Variants in TCF4 observed in about 807,000 individuals in gnomAD.
TCF4 encodes transcription factor 4, also known as SL3-3 enhancer factor 2.
Under a neutral mutation model 82.1 loss-of-function variants are expected in TCF4, and 3 were observed. That is an observed-to-expected ratio of 0.04 (90% CI 0.02 to 0.09). TCF4 has a LOEUF of 0.09. Ranked by LOEUF, TCF4 falls within the 10% of genes least tolerant of loss-of-function variation. The pLI is 1.00. For missense variants in TCF4, 518 were observed against 852.7 expected (o/e 0.61, Z 4.89); for synonymous variants, 276 against 309.6 (o/e 0.89, Z 1.14).
chr18:55,269,740 G>T (rs2059950679), intron 11 of TCF4, 91 bp downstream of exon 11: 2 of 1,513,570 alleles, frequency 1.3e-6, no homozygotes, highest in Non-Finnish European at 9.1e-7. Context: ...GTGCCTAATT[G>T]CTATTCAGTT....
At chr18:55,258,940 A>G (rs1208738856) in intron 13 of TCF4, among the ~76,000 whole-genome samples, 2 of 152,148 alleles carry the variant, frequency 1.3e-5, no homozygotes, top group Non-Finnish European at 2.9e-5. Flanking sequence ...CTCTGGACAT[A>G]GAGACTTCAG....
At chr18:55,483,828 A>T (rs1292436529) in intron 3 of TCF4, among the ~76,000 whole-genome samples, 3 of 152,190 alleles carry the variant, frequency 2.0e-5, no homozygotes, top group Non-Finnish European at 4.4e-5. Context: ...CCTTTCCCCT[A>T]TAACTTCCCC....
At chr18:55,407,551 T>C (rs1312606828) in intron 5 of TCF4, among the ~76,000 whole-genome samples, 2 of 151,794 alleles carry the variant, frequency 1.3e-5, no homozygotes, top group Non-Finnish European at 1.5e-5. Context: ...TAAATTTGAT[T>C]ATTAAAAATG....
At chr18:55,560,668 G>C (rs1271868758) in intron 3 of TCF4, among the ~76,000 whole-genome samples, 2 of 152,112 alleles carry the variant, frequency 1.3e-5, no homozygotes. Flanking sequence ...ATAAATAACA[G>C]TATGGCACAA....
intron 3 of TCF4, among the ~76,000 whole-genome samples, chr18:55,574,070 C>T (rs563072921): frequency 3.9e-5 from 6 of 152,046 alleles, no homozygotes; most frequent in Non-Finnish European, 7.4e-5. Flanking sequence ...TCAAAAAGGA[C>T]GAATGGAACT....
intron 15 of TCF4, among the ~76,000 whole-genome samples, chr18:55,236,513 T>TATAAGA (rs1273469680): frequency 1.3e-5 from 2 of 152,096 alleles, no homozygotes; most frequent in Non-Finnish European, 2.9e-5. Context: ...CTTTCCTCTG[T>TATAAGA]GACTGAAGTC....
At chr18:55,543,131 A>G (rs2097178673) in intron 3 of TCF4, among the ~76,000 whole-genome samples, 1 of 152,120 alleles carries the variant, frequency 6.6e-6, no homozygotes, top group Admixed American at 6.5e-5. Flanking sequence ...AACAGTGGAG[A>G]CAATTATATT....
At chr18:55,535,840 A>G (rs2097109768) in intron 3 of TCF4, among the ~76,000 whole-genome samples, 1 of 152,246 alleles carries the variant, frequency 6.6e-6, no homozygotes, top group Non-Finnish European at 1.5e-5. Context: ...CTGTAAAACA[A>G]CATGCACCTG....
At chr18:55,444,524 A>T (rs2095493497) in intron 5 of TCF4, among the ~76,000 whole-genome samples, 1 of 152,256 alleles carries the variant, frequency 6.6e-6, no homozygotes, top group Non-Finnish European at 1.5e-5. Flanking sequence ...CCTTCAAAAC[A>T]TGTGGAAAGA....
At chr18:55,568,092 T>C (rs550143248) in intron 3 of TCF4, among the ~76,000 whole-genome samples, 1 of 151,670 alleles carries the variant, frequency 6.6e-6, no homozygotes, top group South Asian at 2.1e-4. Flanking sequence ...CAGAGGGTAT[T>C]ATATTGCCTT....
intron 2 of TCF4, among the ~76,000 whole-genome samples, chr18:55,601,182 A>G (rs1053665201): frequency 3.3e-5 from 5 of 152,274 alleles, no homozygotes; most frequent in African/African-American, 9.6e-5. Context: ...TGTTCAAAGC[A>G]GCTGTGCTCA....
At chr18:55,493,400 C>A (rs2096596084) in intron 3 of TCF4, among the ~76,000 whole-genome samples, 1 of 152,080 alleles carries the variant, frequency 6.6e-6, no homozygotes, top group South Asian at 2.1e-4. Context: ...ATATTTAATG[C>A]AGAATGGACT....
intron 6 of TCF4, among the ~76,000 whole-genome samples, chr18:55,374,786 G>C (rs1384304069): frequency 1.4e-5 from 2 of 146,596 alleles, no homozygotes. Flanking sequence ...TATAGTCTCA[G>C]CTACTCAGGT....
At chr18:55,510,770 G>T in intron 3 of TCF4, 1 of 1,258,864 alleles carries the variant, frequency 7.9e-7, no homozygotes, top group Non-Finnish European at 1.0e-6. Flanking sequence ...ATGAGTTAAT[G>T]ATGACCGTAG....
In TCF4 at chr18:55,536,906, G is replaced by A. The variant is rs555599944; in HGVS notation, c.145+48374C>T. On this transcript the variant is annotated intron_variant, in intron 3 of 19. Coordinates refer to ENST00000354452, the MANE Select transcript of TCF4 (RefSeq NM_001083962.2). ...TCCCAGCACTTTGGGAGGCCGAGGAGGGCAGATCACGAGGTCAGGAGATCG... is the reference window on the plus strand; with the variant it reads ...TCCCAGCACTTTGGGAGGCCGAGGAAGGCAGATCACGAGGTCAGGAGATCG... 1.0e-4 allele frequency among the ~76,000 whole-genome samples: 15 copies of A among 150,496 alleles called. No homozygotes were observed. The East Asian group carries it at 1.2e-3, about 12-fold the overall frequency.
intron 3 of TCF4, among the ~76,000 whole-genome samples, chr18:55,525,851 C>A (rs1290526780): frequency 2.0e-5 from 3 of 152,076 alleles, no homozygotes; most frequent in Admixed American, 1.3e-4. Flanking sequence ...TAAGGCTTAC[C>A]CCAGTTTCAT....
chr18:55,495,666 A>G (rs774738635), intron 3 of TCF4: 1 of 152,184 alleles, frequency 6.6e-6, no homozygotes, highest in Non-Finnish European at 1.5e-5. Context: ...ATTAGTTTCA[A>G]TATCAACACA....
intron 15 of TCF4, among the ~76,000 whole-genome samples, chr18:55,248,609 A>T (rs1054271658): frequency 1.1e-4 from 16 of 152,224 alleles, no homozygotes; most frequent in African/African-American, 3.6e-4. Context: ...TTCATTAGTT[A>T]AGTCAGAGTA....
chr18:55,537,939 T>A (rs1293624132), intron 3 of TCF4, among the ~76,000 whole-genome samples: 1 of 151,930 alleles, frequency 6.6e-6, no homozygotes, highest in Non-Finnish European at 1.5e-5. Context: ...CTATCGTACA[T>A]GGTGAGTGAC....
Sources: gnomAD v4.1 joint callset for allele counts (sites outside exome capture counted in the v4.1 genomes callset) on GRCh38, gnomAD v4.1.1 for gene constraint, MANE v1.5 for transcripts, NCBI Gene and HGNC (gene_info 2026-07-23, HGNC 2026-07-21) for gene names.